Variants in ABL2 observed in about 807,000 individuals in gnomAD.
ABL2 encodes ABL proto-oncogene 2, non-receptor tyrosine kinase.
Under a neutral mutation model 107.7 loss-of-function variants are expected in ABL2, and 49 were observed. The ratio of observed to expected loss-of-function variants is 0.45; its 90% CI spans 0.36 to 0.58. The LOEUF (loss-of-function observed/expected upper bound fraction) is 0.58, where lower values mean the gene tolerates loss of function less well. Among genes scored for constraint, ABL2 ranks in the 20% least tolerant of loss-of-function variants. The pLI is 0.00. For synonymous variants in ABL2, 549 were observed against 548.6 expected, an observed-to-expected ratio of 1.00 and a Z score of -0.01; for missense variants, 1,245 against 1,457.0, an observed-to-expected ratio of 0.85 and a Z score of 2.37.
Position 179,099,666 on chromosome 1 carries a change from T to TA in ABL2, c.*8051dup, listed in dbSNP as rs1170588709. On this transcript the variant is annotated 3_prime_UTR_variant, in exon 12 of 12. Transcript: ENST00000502732. ...CAAACCTCACCCTCTGTGCACCACA[T>TA]ACACACCTGCGGGGCGGGACCTTTG... The TA allele has an allele frequency of 4.3e-6, 1 of 231,108 alleles. No individual in the cohort carries two copies. The highest frequency in any genetic ancestry group is 8.6e-6 in the Non-Finnish European group (1 of 116,810). The allele number at this position is 231,108 out of a possible 1,614,324, so 14.3% of individuals were successfully genotyped here.
At chr1:179,194,189 G>C (rs891513315) in intron 1 of ABL2, among the ~76,000 whole-genome samples, 2 of 152,084 alleles carry the variant, frequency 1.3e-5, no homozygotes, top group Non-Finnish European at 2.9e-5. Context: ...GGTCCTACAA[G>C]GTAGAAACAC....
chr1:179,108,190 G>C lies in ABL2; in HGVS notation c.3077C>G (p.Ala1026Gly). 6.2e-7 allele frequency: 1 copy of C among 1,614,214 alleles called. No individual in the cohort carries two copies. The highest frequency in any genetic ancestry group is 1.7e-5 in the Admixed American group (1 of 60,030). Residue 1026 changes from alanine to glycine, a missense_variant, in exon 12 of 12, where the codon GCT becomes GGT. Physicochemically the swap from Ala to Gly is moderately conservative, Grantham distance 60. Transcript: ENST00000502732. Reference sequence around the variant, plus strand: ...CCCACTGATGGGCACTGCGCCCAGAGCTGCCTTCTTTCCTCCTTCCTGTGT... The same window carrying C: ...CCCACTGATGGGCACTGCGCCCAGACCTGCCTTCTTTCCTCCTTCCTGTGT... ...SETQEGGKKA[A>G]LGAVPISGKA...
chr1:179,198,844 T>C (rs891224367), intron 1 of ABL2, among the ~76,000 whole-genome samples: 1 of 125,564 alleles, frequency 8.0e-6, no homozygotes, highest in Non-Finnish European at 1.9e-5. Flanking sequence ...AAATTATCCT[T>C]TTTTTTTTTT....
intron 1 of ABL2, among the ~76,000 whole-genome samples, chr1:179,151,429 A>C (rs1658357813): frequency 6.6e-6 from 1 of 152,202 alleles, no homozygotes. Context: ...AGCAATTGTT[A>C]TACTAATATG....
In ABL2 at chr1:179,102,627, C is replaced by T. The variant is rs1653189568; in HGVS notation, c.*5091G>A. ...CAATTTAATGCAAGATGATGAAACT[C>T]AAAAATCAAGAACAAAAATATAGAT... On this transcript the variant is annotated 3_prime_UTR_variant, in exon 12 of 12. Transcript: ENST00000502732. The T allele has an allele frequency of 4.4e-6, 1 of 228,214 alleles. No individual in the cohort carries two copies. The highest frequency in any genetic ancestry group is 2.2e-5 in the African/African-American group (1 of 45,008). 14.1% of individuals were successfully genotyped at this position (228,214 alleles called of 1,614,324 possible). A position where few individuals can be genotyped will look rare whatever the true frequency, so the allele number is the denominator to read the frequency against.
At chr1:179,187,038 C>A (rs1010702724) in intron 1 of ABL2, among the ~76,000 whole-genome samples, 1 of 152,122 alleles carries the variant, frequency 6.6e-6, no homozygotes, top group Non-Finnish European at 1.5e-5. Flanking sequence ...GGCCCCATTA[C>A]CATTTATAGT....
At chr1:179,111,000 T>G (rs1303363924) in intron 10 of ABL2, among the ~76,000 whole-genome samples, 1 of 83,062 alleles carries the variant, frequency 1.2e-5, no homozygotes, top group Non-Finnish European at 2.4e-5. Flanking sequence ...TTTTTTTTTT[T>G]GCAGATGGAG....
Position 179,224,689 on chromosome 1 carries a change from T to C in ABL2, c.157+4552A>G, listed in dbSNP as rs1663094467. Reference sequence around the variant, plus strand: ...AAGTAAGTATTCAACCCTAGATTATTAGTCATGAAACATCAGCTCACCAGA... The same window carrying C: ...AAGTAAGTATTCAACCCTAGATTATCAGTCATGAAACATCAGCTCACCAGA... On this transcript the variant is annotated intron_variant, in intron 1 of 11. Transcript: ENST00000502732. Among the ~76,000 whole-genome samples, 5 of 152,006 alleles carry C rather than the reference T, an allele frequency of 3.3e-5. 1 individual carries two copies. The highest frequency in any genetic ancestry group is 3.3e-4 in the Admixed American group (5 of 15,250).
intron 6 of ABL2, among the ~76,000 whole-genome samples, 165 bp from the exon 7 acceptor site, chr1:179,118,929 G>A (rs933152564): frequency 2.6e-5 from 4 of 152,024 alleles, no homozygotes; most frequent in African/African-American, 7.2e-5. Flanking sequence ...CTAAGAAGCT[G>A]GTTTATAAGG....
At position 179,105,710 on chromosome 1, in the gene ABL2, G is replaced by T. The variant is rs1254874238; in HGVS notation, c.*2008C>A. ...CTGGGCCTCCTTTGGAGCAGCAATG[G>T]TAAGAATCAAGGTTTCCTTTCTTTC... On this transcript the variant is annotated 3_prime_UTR_variant, in exon 12 of 12. Transcript: ENST00000502732. 4.4e-6 allele frequency: 1 copy of T among 226,054 alleles called. No individual in the cohort carries two copies. The highest frequency in any genetic ancestry group is 8.8e-6 in the Non-Finnish European group (1 of 113,606). The allele number at this position is 226,054 out of a possible 1,614,324, so 14.0% of individuals were successfully genotyped here.
intron 1 of ABL2, 74 bp downstream of exon 1, chr1:179,229,167 T>TGCGGCCCCCCCCCCCCCCCCCCCCCC: frequency 2.5e-6 from 1 of 402,570 alleles, no homozygotes; most frequent in Non-Finnish European, 4.6e-6. Flanking sequence ...GGGCAGCCCG[T>TGCGGCCCCCCCCCCCCCCCCCCCCCC]CCGCCACCCA....
chr1:179,217,313 C>CA (rs920370713), intron 1 of ABL2, among the ~76,000 whole-genome samples: 14 of 147,334 alleles, frequency 9.5e-5, no homozygotes, highest in East Asian at 2.0e-4. Flanking sequence ...GACTCCATCT[C>CA]AAAAAAAAAG....
In ABL2 at chr1:179,118,676, T is replaced by G; in HGVS notation, c.1134A>C (p.Arg378=). ...NLLDYLRECN[R]EEVTAVVLLY... ...GCAGCACAACTGCAGTCACCTCTTC[T>G]CGGTTGCATTCTCGGAGGTAATCCA... The change falls in exon 7 of 12, where the codon CGA becomes CGC. Residue 378 remains arginine (R), a synonymous_variant. Coordinates refer to ENST00000502732, the MANE Select transcript of ABL2 (RefSeq NM_007314.4). 2 of 1,613,718 alleles carry G rather than the reference T, an allele frequency of 1.2e-6. No homozygotes were observed. The highest frequency in any genetic ancestry group is 1.7e-6 in the Non-Finnish European group (2 of 1,179,900).
In ABL2 at chr1:179,108,292, A is replaced by C; in HGVS notation, c.2975T>G (p.Leu992Arg). Residue 992 changes from leucine (L) to arginine (R), a missense_variant, in exon 12 of 12, where the codon CTA becomes CGA. This residue lies in a region of ABL2 where 761 missense variants were observed against 766.4 expected (regional missense o/e 0.99). Transcript: ENST00000502732. ...CAPPPPPVMR[L>R]LQHPSICSDP... The stretch of plus-strand genomic sequence containing the variant: ...TGAGCAGATGGACGGATGCTGCAGT[A>C]GTCTCATCACTGGTGGTGGGGGTGG... The C allele has an allele frequency of 6.2e-7, 1 of 1,613,338 alleles. No individual in the cohort carries two copies.
chr1:179,195,893 G>A (rs372798658), intron 1 of ABL2, among the ~76,000 whole-genome samples: 7 of 152,268 alleles, frequency 4.6e-5, no homozygotes, highest in African/African-American at 9.6e-5. Context: ...ATTATAAAAC[G>A]GGGAATTATA....
intron 1 of ABL2, among the ~76,000 whole-genome samples, chr1:179,191,116 G>A (rs1160539735): frequency 2.0e-5 from 3 of 152,158 alleles, no homozygotes; most frequent in Admixed American, 6.5e-5. Flanking sequence ...GCCACAGGAA[G>A]AACGTCACTT....
intron 1 of ABL2, among the ~76,000 whole-genome samples, chr1:179,185,545 T>G (rs543228983): frequency 6.6e-6 from 1 of 152,198 alleles, no homozygotes; most frequent in Non-Finnish European, 1.5e-5. Flanking sequence ...TTTGTTATAA[T>G]AAAACTAAAT....
intron 1 of ABL2, among the ~76,000 whole-genome samples, chr1:179,174,504 G>A (rs1285641175): frequency 6.6e-6 from 1 of 151,792 alleles, no homozygotes; most frequent in Admixed American, 6.6e-5. Context: ...CAGCTACTCG[G>A]GAGGCTAATA....
chr1:179,133,676 C>A (rs1371573528), intron 1 of ABL2, among the ~76,000 whole-genome samples: 1 of 152,142 alleles, frequency 6.6e-6, no homozygotes, highest in Non-Finnish European at 1.5e-5. Flanking sequence ...ATATAGTAGT[C>A]CCCCTTATCC....
Sources: allele counts gnomAD v4.1 joint callset (sites outside exome capture counted in the v4.1 genomes callset), GRCh38; gene constraint gnomAD v4.1.1; regional missense constraint gnomAD v4.1.1; transcripts MANE v1.5; gene names NCBI Gene and HGNC (gene_info 2026-07-23, HGNC 2026-07-21).